DMD: variants seen among roughly 807,000 people sequenced by gnomAD.
DMD encodes the protein mutant dystrophin.
A neutral mutation model predicts 330.1 loss-of-function variants in DMD; 63 were observed. That is an observed-to-expected ratio of 0.19 (90% CI 0.16 to 0.24). The LOEUF (loss-of-function observed/expected upper bound fraction) is 0.24. DMD is among the 10% of genes least tolerant of loss of function. The probability of loss-of-function intolerance (pLI) is 1.00; values close to 1 mark genes in which losing one functional copy is unlikely to be tolerated. For synonymous variants in DMD, 1,223 were observed against 959.8 expected (o/e 1.27, Z -5.07); for missense variants, 3,344 against 2,684.1 (o/e 1.25, Z -5.43).
chrX:32,027,475 T>G (rs750542287), intron 44 of DMD, among the ~76,000 whole-genome samples: 1 of 111,392 alleles, frequency 9.0e-6, no homozygotes. Context: ...TCTTTCCTAA[T>G]ACCCCTTGGT....
chrX:31,728,937 T>C (rs2086287928), intron 52 of DMD, among the ~76,000 whole-genome samples: 1 of 111,136 alleles, frequency 9.0e-6, no homozygotes, highest in Admixed American at 9.6e-5. Context: ...GGAGAATCTC[T>C]GAGGGAAACC....
intron 59 of DMD, among the ~76,000 whole-genome samples, chrX:31,447,207 T>C: frequency 9.0e-6 from 1 of 111,039 alleles, no homozygotes; most frequent in Non-Finnish European, 1.9e-5. Context: ...TCCTCTTTTT[T>C]TTTCTTTTTA....
chrX:33,008,681 C>A (rs375731211), intron 2 of DMD, among the ~76,000 whole-genome samples: 2 of 108,100 alleles, frequency 1.9e-5, no homozygotes, highest in Non-Finnish European at 3.8e-5. Context: ...ATATTAATAT[C>A]TTTATTCATC....
At chrX:32,626,990 C>G (rs1200889877) in intron 11 of DMD, among the ~76,000 whole-genome samples, 1 of 104,907 alleles carries the variant, frequency 9.5e-6, no homozygotes, top group African/African-American at 4.1e-5. Flanking sequence ...TGATTAGAAT[C>G]ACTGAGAGAA....
intron 1 of DMD, among the ~76,000 whole-genome samples, chrX:33,109,948 G>A (rs773155956): frequency 2.8e-5 from 3 of 108,783 alleles, no homozygotes; most frequent in Non-Finnish European, 5.7e-5. Flanking sequence ...GCCCAACAAT[G>A]GTTTAAAAAA....
chrX:32,660,011 C>A (rs7883677), intron 9 of DMD, among the ~76,000 whole-genome samples: 89 of 110,979 alleles, frequency 8.0e-4, no homozygotes, highest in African/African-American at 2.8e-3. Context: ...ATCCTGTTGG[C>A]TGAAAGCAGT....
intron 44 of DMD, among the ~76,000 whole-genome samples, chrX:32,134,520 C>G (rs1443120164): frequency 1.8e-5 from 2 of 109,811 alleles, no homozygotes; most frequent in African/African-American, 6.6e-5. Context: ...GCAGGCAAGG[C>G]ACAGAAGCGG....
chrX:31,556,231 G>A (rs2074812601), intron 55 of DMD, among the ~76,000 whole-genome samples: 1 of 107,998 alleles, frequency 9.3e-6, no homozygotes, highest in African/African-American at 3.4e-5. Flanking sequence ...GCCAGACATG[G>A]TGGCAGGCGC....
chrX:32,305,961 C>A, intron 42 of DMD, among the ~76,000 whole-genome samples: 1 of 111,086 alleles, frequency 9.0e-6, no homozygotes, highest in South Asian at 3.8e-4. Flanking sequence ...GTCATTTCTA[C>A]CCTATTTGAA....
intron 55 of DMD, among the ~76,000 whole-genome samples, chrX:31,581,879 T>C (rs1240883381): frequency 8.9e-6 from 1 of 111,869 alleles, no homozygotes; most frequent in Non-Finnish European, 1.9e-5. Context: ...TCTTTCGACT[T>C]TGCTGTATGA....
chrX:32,330,744 C>CTT (rs2097675139), intron 41 of DMD, among the ~76,000 whole-genome samples: 1 of 110,873 alleles, frequency 9.0e-6, no homozygotes, highest in South Asian at 3.8e-4. Context: ...TTGTCTGGCA[C>CTT]TTAGGAGGCA....
chrX:33,243,922 A>G (rs1273078503), intron 1 of DMD, among the ~76,000 whole-genome samples: 2 of 111,965 alleles, frequency 1.8e-5, no homozygotes, highest in Non-Finnish European at 3.8e-5. Context: ...ATGAGAAATT[A>G]CTTAATGTGT....
intron 2 of DMD, among the ~76,000 whole-genome samples, chrX:32,981,617 G>T (rs771485764): frequency 5.7e-4 from 63 of 111,106 alleles, no homozygotes; most frequent in South Asian, 1.1e-3. Context: ...TATTTTTGAA[G>T]ACATTTTATA....
intron 2 of DMD, among the ~76,000 whole-genome samples, chrX:33,018,231 G>A (rs553883377): frequency 1.8e-5 from 2 of 111,684 alleles, no homozygotes; most frequent in South Asian, 7.4e-4. Flanking sequence ...TTCTGTACTT[G>A]AAAGAATGGT....
chrX:32,565,442 C>G (rs914553247), intron 16 of DMD, among the ~76,000 whole-genome samples: 1 of 111,538 alleles, frequency 9.0e-6, no homozygotes, highest in African/African-American at 3.3e-5. Context: ...TGTTCGCCTG[C>G]TCTAAGTCAC....
At chrX:32,936,255 G>C (rs950461779) in intron 2 of DMD, among the ~76,000 whole-genome samples, 3 of 110,236 alleles carry the variant, frequency 2.7e-5, no homozygotes, top group African/African-American at 9.9e-5. Flanking sequence ...GGGGTTACAG[G>C]CATGCACCAC....
At chrX:33,040,887 A>G (rs1317351864) in intron 1 of DMD, among the ~76,000 whole-genome samples, 1 of 112,109 alleles carries the variant, frequency 8.9e-6, no homozygotes, top group Non-Finnish European at 1.9e-5. Context: ...GATAACCTAT[A>G]TGCTTGAACT....
At chrX:32,938,562 G>A (rs1267124735) in intron 2 of DMD, among the ~76,000 whole-genome samples, 1 of 111,530 alleles carries the variant, frequency 9.0e-6, no homozygotes, top group East Asian at 2.8e-4. Context: ...GCATCACTAG[G>A]AATACAACAG....
chrX:32,898,979 C>G (rs2085977418), intron 2 of DMD, among the ~76,000 whole-genome samples: 2 of 111,948 alleles, frequency 1.8e-5, no homozygotes, highest in Admixed American at 1.9e-4. Flanking sequence ...CACCAGTAGA[C>G]AACATGCACA....
Sources: allele counts gnomAD v4.1 joint callset (sites outside exome capture counted in the v4.1 genomes callset), GRCh38; gene constraint gnomAD v4.1.1; transcripts MANE v1.5; gene names NCBI Gene and HGNC (gene_info 2026-07-23, HGNC 2026-07-21).